Variants in MCU observed in about 807,000 individuals in gnomAD.
MCU encodes mitochondrial calcium uniporter.
In MCU, 12 loss-of-function variants were observed where a neutral mutation model predicts 45.2. That is an observed-to-expected ratio of 0.27 (90% CI 0.17 to 0.43). MCU has a LOEUF of 0.43. MCU is among the 20% of genes least tolerant of loss of function. The probability of loss-of-function intolerance (pLI) is 1.00; values close to 1 mark genes in which losing one functional copy is unlikely to be tolerated. For synonymous variants in MCU, 160 were observed against 165.1 expected (o/e 0.97, Z 0.24); for missense variants, 324 against 436.7 (o/e 0.74, Z 2.30).
intron 1 of MCU, among the ~76,000 whole-genome samples, chr10:72,775,374 T>G (rs1024719297): frequency 1.2e-4 from 19 of 152,078 alleles, no homozygotes; most frequent in African/African-American, 4.6e-4. Flanking sequence ...TACCAAAATC[T>G]ATGGGATACT....
At chr10:72,726,256 CGTGT>C (rs60826955) in intron 1 of MCU, among the ~76,000 whole-genome samples, 13,633 of 145,556 alleles carry the variant, frequency 0.094, 791 homozygotes, top group Non-Finnish European at 0.14. Flanking sequence ...CACACACACA[CGTGT>C]GTGTGTGTGT....
At chr10:72,811,212 A>C (rs1378379215) in intron 1 of MCU, among the ~76,000 whole-genome samples, 1 of 152,252 alleles carries the variant, frequency 6.6e-6, no homozygotes, top group East Asian at 1.9e-4. Flanking sequence ...GATAAGATTT[A>C]AGTCTAGATT....
intron 1 of MCU, among the ~76,000 whole-genome samples, chr10:72,770,426 A>G (rs1843787653): frequency 6.6e-6 from 1 of 152,140 alleles, no homozygotes; most frequent in Non-Finnish European, 1.5e-5. Flanking sequence ...TTCATGTGAA[A>G]TATCAAAAAG....
chr10:72,790,641 T>G (rs1385677203), intron 1 of MCU, among the ~76,000 whole-genome samples: 1 of 152,224 alleles, frequency 6.6e-6, no homozygotes, highest in Non-Finnish European at 1.5e-5. Flanking sequence ...TCTGATTGCT[T>G]GATTAAATAA....
chr10:72,754,105 G>C (rs943287149), intron 1 of MCU, among the ~76,000 whole-genome samples: 3 of 152,184 alleles, frequency 2.0e-5, no homozygotes, highest in African/African-American at 7.2e-5. Flanking sequence ...GTTACCCCCT[G>C]TGGTGAACCA....
chr10:72,804,381 G>T (rs932573363), intron 1 of MCU, among the ~76,000 whole-genome samples: 3 of 151,784 alleles, frequency 2.0e-5, no homozygotes, highest in Non-Finnish European at 4.4e-5. Context: ...GAGCCATCAC[G>T]CTCGGACAAT....
chr10:72,870,861 A>G (rs1845531782), intron 5 of MCU, among the ~76,000 whole-genome samples: 1 of 152,134 alleles, frequency 6.6e-6, no homozygotes, highest in Non-Finnish European at 1.5e-5. Flanking sequence ...ACCCACTTCT[A>G]GGTTGAAACA....
intron 1 of MCU, among the ~76,000 whole-genome samples, chr10:72,746,229 C>A (rs1477516806): frequency 6.6e-6 from 1 of 152,090 alleles, no homozygotes; most frequent in African/African-American, 2.4e-5. Context: ...ACTGGCGTTG[C>A]AGTAATTTTT....
At chr10:72,758,266 C>G (rs1374017806) in intron 1 of MCU, among the ~76,000 whole-genome samples, 1 of 152,192 alleles carries the variant, frequency 6.6e-6, no homozygotes, top group Non-Finnish European at 1.5e-5. Context: ...CCTCAAACAC[C>G]TGAGCTCGAG....
intron 1 of MCU, among the ~76,000 whole-genome samples, chr10:72,784,727 G>A (rs960064817): frequency 2.0e-5 from 3 of 152,186 alleles, no homozygotes; most frequent in Non-Finnish European, 2.9e-5. Context: ...GTGCGTGGGT[G>A]TGTGAGTGAG....
At chr10:72,720,563 C>T (rs1843008022) in intron 1 of MCU, among the ~76,000 whole-genome samples, 1 of 152,230 alleles carries the variant, frequency 6.6e-6, no homozygotes, top group Non-Finnish European at 1.5e-5. Context: ...CTTCAAGGCA[C>T]AGCTCAAGTC....
chr10:72,778,978 CT>C (rs1274704688), intron 1 of MCU, among the ~76,000 whole-genome samples: 1 of 150,944 alleles, frequency 6.6e-6, no homozygotes, highest in Non-Finnish European at 1.5e-5. Context: ...TTTTCTTTTT[CT>C]TTTTTTTTGG....
chr10:72,880,997 C>T (rs1029008474), intron 6 of MCU, among the ~76,000 whole-genome samples: 6 of 152,156 alleles, frequency 3.9e-5, no homozygotes, highest in South Asian at 2.1e-4. Context: ...AGTGTGGTGT[C>T]GTGCACCTGT....
At position 72,885,981 on chromosome 10, in the gene MCU, A is replaced by C; in HGVS notation, c.*159A>C. On this transcript the variant is annotated 3_prime_UTR_variant, in exon 8 of 8. Coordinates refer to ENST00000373053, the MANE Select transcript of MCU (RefSeq NM_138357.3). Reference sequence around the variant, plus strand: ...GGATCTGAGGGAAGAAGGGAATGTTAAAACCTGAGGATCAGGCATTGTGGA... The same window carrying C: ...GGATCTGAGGGAAGAAGGGAATGTTCAAACCTGAGGATCAGGCATTGTGGA... 3.3e-6 allele frequency: 2 copies of C among 599,870 alleles called. No homozygotes were observed. The highest frequency in any genetic ancestry group is 2.8e-4 in the Middle Eastern group (1 of 3,532). 37.2% of individuals were successfully genotyped at this position (599,870 alleles called of 1,614,324 possible).
rs191630742 is a variant in MCU at position 72,882,895 on chromosome 10, C to A, written c.862-1371C>A. 1.4e-4 allele frequency among the ~76,000 whole-genome samples: 21 copies of A among 152,262 alleles called. No individual in the cohort carries two copies. The East Asian group carries it at 3.5e-3, about 25-fold the overall frequency. On this transcript the variant is annotated intron_variant, in intron 6 of 7. Transcript: ENST00000373053. ...GGAACCTACCGACATGTGATGTCCC[C>A]CCCGGATGCCCAGCTTTAAAATTTC...
intron 1 of MCU, among the ~76,000 whole-genome samples, chr10:72,708,849 A>T (rs1442262928): frequency 1.3e-5 from 2 of 152,172 alleles, no homozygotes; most frequent in Admixed American, 1.3e-4. Flanking sequence ...TTGTAAAGCT[A>T]TTATGTTAAA....
intron 2 of MCU, among the ~76,000 whole-genome samples, chr10:72,835,500 AAAG>A (rs1844943818): frequency 6.6e-6 from 1 of 152,222 alleles, no homozygotes; most frequent in African/African-American, 2.4e-5. Flanking sequence ...GCCTAAAACT[AAAG>A]AAGCCCAGAA....
intron 1 of MCU, among the ~76,000 whole-genome samples, chr10:72,694,477 A>G (rs561536719): frequency 5.9e-5 from 9 of 152,194 alleles, no homozygotes; most frequent in Admixed American, 1.3e-4. Context: ...AAAATTTACT[A>G]TTGTCCATTA....
At chr10:72,829,875 T>G (rs1035675679) in intron 1 of MCU, among the ~76,000 whole-genome samples, 4 of 152,238 alleles carry the variant, frequency 2.6e-5, no homozygotes, top group African/African-American at 9.6e-5. Flanking sequence ...CTTTAGTAGA[T>G]TCTAAGCTTC....
Sources: gnomAD v4.1 joint callset for allele counts (sites outside exome capture counted in the v4.1 genomes callset) on GRCh38, gnomAD v4.1.1 for gene constraint, MANE v1.5 for transcripts, NCBI Gene and HGNC (gene_info 2026-07-23, HGNC 2026-07-21) for gene names.